FAM47E: variants seen among roughly 807,000 people sequenced by gnomAD.
The protein encoded by FAM47E is family with sequence similarity 47 member E.
In FAM47E, 32 loss-of-function variants were observed where a neutral mutation model predicts 41.6. The observed-to-expected ratio is 0.77, with a 90% CI of 0.58 to 1.03. The LOEUF is 1.03. FAM47E is among the 50% of genes least tolerant of loss of function. The pLI is 0.00. For missense variants in FAM47E, 424 were observed against 485.4 expected (o/e 0.87, Z 1.19); for synonymous variants, 184 against 188.7 (o/e 0.98, Z 0.20).
chr4:76,248,204 G>A (rs12331338), upstream of FAM47E, among the ~76,000 whole-genome samples: 210 of 151,902 alleles, frequency 1.4e-3, 1 homozygote, highest in African/African-American at 4.9e-3. Context: ...GTGAGCCACC[G>A]CGCCTGGCCT....
At position 76,228,230 on chromosome 4, in the gene FAM47E, C is replaced by A. The variant is rs757996495; in HGVS notation, c.81+10542C>A. On this transcript the variant is annotated intron_variant, in intron 2 of 7. Transcript: ENST00000510197. ...CAGTGGCTCACACCTGTAATCCCAG[C>A]ACTTGGGGAGGCTGAGGGGGGTGCA... Among the ~76,000 whole-genome samples the A allele has an allele frequency of 4.9e-4, 75 of 152,142 alleles. 1 individual carries two copies. Among genetic ancestry groups the A allele is most frequent in the Middle Eastern group, 3.4e-3 (1 of 294 alleles).
At chr4:76,219,617 G>A (rs1733272756) in intron 2 of FAM47E, among the ~76,000 whole-genome samples, 2 of 152,290 alleles carry the variant, frequency 1.3e-5, no homozygotes, top group South Asian at 4.2e-4. Context: ...CTTTCTGAGG[G>A]GAGAAAGGGG....
At chr4:76,274,343 A>G (rs1357702339) in intron 5 of FAM47E, among the ~76,000 whole-genome samples, 1 of 152,228 alleles carries the variant, frequency 6.6e-6, no homozygotes, top group African/African-American at 2.4e-5. Context: ...AGGCCAAGGC[A>G]GAAGTATCAC....
chr4:76,235,905 C>G (rs891669013), intron 2 of FAM47E, among the ~76,000 whole-genome samples: 1 of 152,190 alleles, frequency 6.6e-6, no homozygotes, highest in Non-Finnish European at 1.5e-5. Context: ...ATCATTTTAG[C>G]AGATGGGACA....
At chr4:76,220,929 T>C (rs1733295352) in intron 2 of FAM47E, among the ~76,000 whole-genome samples, 1 of 152,138 alleles carries the variant, frequency 6.6e-6, no homozygotes, top group Admixed American at 6.5e-5. Flanking sequence ...GCGGAGTCAG[T>C]ACACACACTC....
At chr4:76,233,178 T>G (rs960612691) in intron 2 of FAM47E, among the ~76,000 whole-genome samples, 1 of 152,236 alleles carries the variant, frequency 6.6e-6, no homozygotes, top group Non-Finnish European at 1.5e-5. Context: ...TCCTAGAATT[T>G]TTAACGTTAA....
intron 5 of FAM47E, 89 bp downstream of exon 5, chr4:76,271,857 T>G: frequency 7.2e-7 from 1 of 1,394,234 alleles, no homozygotes; most frequent in Non-Finnish European, 9.5e-7. Context: ...GTGTCATGGG[T>G]ACTGGTTTTT....
chr4:76,241,651 C>A (rs1188007581), intron 2 of FAM47E, among the ~76,000 whole-genome samples: 1 of 152,094 alleles, frequency 6.6e-6, no homozygotes, highest in Non-Finnish European at 1.5e-5. Flanking sequence ...TTCAATAGAC[C>A]CCAAAGTTTT....
chr4:76,236,326 CT>C (rs570490841), intron 2 of FAM47E: 20 of 152,238 alleles, frequency 1.3e-4, no homozygotes, highest in African/African-American at 4.8e-4. Flanking sequence ...AAGTCTGAAA[CT>C]TTTTCATATT....
Position 76,283,737 on chromosome 4 carries a change from T to C in FAM47E, c.*279T>C. The C allele has an allele frequency of 4.0e-6, 1 of 247,430 alleles. No individual in the cohort carries two copies. The highest frequency in any genetic ancestry group is 7.8e-6 in the Non-Finnish European group (1 of 128,454). The allele number at this position is 247,430 out of a possible 1,614,324, so 15.3% of individuals were successfully genotyped here. A position where few individuals can be genotyped will look rare whatever the true frequency, so the allele number is the denominator to read the frequency against. On this transcript the variant is annotated 3_prime_UTR_variant, in exon 8 of 8. Transcript: ENST00000424749. ...TTGTGGCACGTGAATATTATATAGG[T>C]ATATCAACTATTGGTAAAAATAAAT...
At chr4:76,283,310 G>A in intron 7 of FAM47E, 71 bp from the exon 8 acceptor site, 1 of 817,692 alleles carries the variant, frequency 1.2e-6, no homozygotes, top group South Asian at 1.5e-5. Context: ...ATATGGTAGT[G>A]GTTGTGGGGA....
chr4:76,214,634 T>G (rs116533523), intron 1 of FAM47E, among the ~76,000 whole-genome samples: 3,731 of 152,302 alleles, frequency 0.024, 62 homozygotes, highest in Non-Finnish European at 0.037. Context: ...TTGCCTGCTT[T>G]GCTCACTGTG....
At position 76,256,303 on chromosome 4, in the gene FAM47E, C is replaced by G; in HGVS notation, c.200C>G (p.Thr67Ser). 1 of 1,551,718 alleles carries G rather than the reference C, an allele frequency of 6.4e-7. No individual in the cohort carries two copies. The highest frequency in any genetic ancestry group is 2.4e-5 in the East Asian group (1 of 40,926). The change falls in exon 2 of 8, where the codon ACT becomes AGT. Residue 67 changes from threonine to serine, a missense_variant. Transcript: ENST00000424749. ...TGCCCGCCTTGCACTGGTCTGGTGA[C>G]TCAGGTCCCTGTGGAGGGCTTTCTG... ...KGCPPCTGLV[T>S]QVPVEGFLPQ...
At chr4:76,260,855 A>G (rs2110009793) in intron 2 of FAM47E, among the ~76,000 whole-genome samples, 1 of 152,242 alleles carries the variant, frequency 6.6e-6, no homozygotes, top group East Asian at 1.9e-4. Flanking sequence ...AGGAACGTAA[A>G]CAATTCAACA....
In FAM47E at chr4:76,231,640, G is replaced by A. The variant is rs376611452; in HGVS notation, c.81+13952G>A. Reference sequence around the variant, plus strand: ...AAGTACAGCAAGAATTATTATTTCCGCAAAGGCCTTTCGGATTGGCTTCGA... The same window carrying A: ...AAGTACAGCAAGAATTATTATTTCCACAAAGGCCTTTCGGATTGGCTTCGA... On this transcript the variant is annotated intron_variant, in intron 2 of 7. Coordinates refer to the FAM47E transcript ENST00000510197. Among the ~76,000 whole-genome samples the A allele has an allele frequency of 1.2e-4, 18 of 152,254 alleles. No homozygotes were observed. In the East Asian group the frequency reaches 1.7e-3, roughly 15 times the overall value.
intron 1 of FAM47E, among the ~76,000 whole-genome samples, chr4:76,254,371 G>T (rs1389529278): frequency 1.3e-5 from 2 of 152,136 alleles, no homozygotes; most frequent in African/African-American, 4.8e-5. Flanking sequence ...ATTTAATATG[G>T]AGGGTTACTT....
intron 2 of FAM47E, among the ~76,000 whole-genome samples, chr4:76,225,700 C>A (rs570026985): frequency 6.6e-6 from 1 of 152,150 alleles, no homozygotes; most frequent in Non-Finnish European, 1.5e-5. Flanking sequence ...TATTGACTTG[C>A]GTAAGTTAAA....
intron 6 of FAM47E, chr4:76,280,047 G>T: frequency 2.5e-6 from 1 of 398,378 alleles, no homozygotes; most frequent in South Asian, 4.4e-5. Flanking sequence ...CCTTAATATG[G>T]GGATAAGGAA....
At chr4:76,231,517 A>G (rs893709949) in intron 2 of FAM47E, among the ~76,000 whole-genome samples, 7 of 132,990 alleles carry the variant, frequency 5.3e-5, no homozygotes, top group Admixed American at 1.6e-4. Context: ...GCCAGTCCTC[A>G]TTTTTGTTAA....
Sources: allele counts gnomAD v4.1 joint callset (sites outside exome capture counted in the v4.1 genomes callset), GRCh38; gene constraint gnomAD v4.1.1; transcripts MANE v1.5; gene names NCBI Gene and HGNC (gene_info 2026-07-23, HGNC 2026-07-21).